SLC24A2: variants seen among roughly 807,000 people sequenced by gnomAD.
SLC24A2 encodes solute carrier family 24 member 2.
SLC24A2 carries 36 observed loss-of-function variants against 62.0 expected under a neutral mutation model. The observed-to-expected ratio is 0.58, with a 90% CI of 0.44 to 0.77. The LOEUF (loss-of-function observed/expected upper bound fraction) is 0.77, where lower values mean the gene tolerates loss of function less well. Among genes scored for constraint, SLC24A2 ranks in the 30% least tolerant of loss-of-function variants. The pLI is 0.00. For synonymous variants in SLC24A2, 358 were observed against 294.0 expected (o/e 1.22, Z -2.23); for missense variants, 846 against 817.9 (o/e 1.03, Z -0.42).
chr9:19,724,703 T>A (rs1000193192), intron 2 of SLC24A2, among the ~76,000 whole-genome samples: 2 of 152,158 alleles, frequency 1.3e-5, no homozygotes, highest in Non-Finnish European at 2.9e-5. Flanking sequence ...ACCCACATTA[T>A]GAAGTTCAGG....
At chr9:20,248,929 G>A in the SLC24A2 span, among the ~76,000 whole-genome samples, 6 of 152,188 alleles carry the variant, frequency 3.9e-5, no homozygotes, top group South Asian at 4.1e-4. Context: ...CCTGGTCCTG[G>A]TCTCCCTTTC....
chr9:19,534,073 A>C (rs939544830), intron 8 of SLC24A2, among the ~76,000 whole-genome samples: 6 of 152,212 alleles, frequency 3.9e-5, no homozygotes. Context: ...CAGGGAATCC[A>C]GAAACCTTCT....
At chr9:19,851,024 C>CATATATATATATAT in the SLC24A2 span, among the ~76,000 whole-genome samples, 1 of 45,916 alleles carries the variant, frequency 2.2e-5, no homozygotes, top group African/African-American at 1.1e-4. Flanking sequence ...TATATATATA[C>CATATATATATATAT]ATATTTTTTT....
chr9:20,142,266 A>T, the SLC24A2 span, among the ~76,000 whole-genome samples: 1 of 152,088 alleles, frequency 6.6e-6, no homozygotes, highest in Non-Finnish European at 1.5e-5. Context: ...ACACCCATGA[A>T]GTACTTACTT....
At chr9:20,182,580 A>G in the SLC24A2 span, among the ~76,000 whole-genome samples, 1 of 152,204 alleles carries the variant, frequency 6.6e-6, no homozygotes, top group African/African-American at 2.4e-5. Context: ...GTGGGAGTTG[A>G]ACAATGAGAA....
chr9:19,585,887 C>T (rs1836357073), intron 5 of SLC24A2, among the ~76,000 whole-genome samples: 1 of 152,168 alleles, frequency 6.6e-6, no homozygotes, highest in Admixed American at 6.5e-5. Flanking sequence ...TGTGGCCACC[C>T]ATAAAGGATG....
the SLC24A2 span, among the ~76,000 whole-genome samples, chr9:20,206,135 A>G: frequency 6.6e-6 from 1 of 152,244 alleles, no homozygotes; most frequent in Non-Finnish European, 1.5e-5. Context: ...TTGGTTTTAG[A>G]TTCCCCATTA....
intron 2 of SLC24A2, among the ~76,000 whole-genome samples, chr9:19,672,377 T>A (rs1346784656): frequency 2.0e-5 from 3 of 146,716 alleles, no homozygotes; most frequent in Non-Finnish European, 4.4e-5. Context: ...TTCTGTGGTA[T>A]CCGTTGTAAT....
chr9:19,609,794 T>G (rs936417544), intron 4 of SLC24A2, among the ~76,000 whole-genome samples: 21 of 151,766 alleles, frequency 1.4e-4, no homozygotes, highest in African/African-American at 4.8e-4. Flanking sequence ...GTGGGGTGAG[T>G]GGTGGGGATG....
the SLC24A2 span, among the ~76,000 whole-genome samples, chr9:20,157,560 T>C: frequency 1.3e-5 from 2 of 151,654 alleles, no homozygotes; most frequent in African/African-American, 2.4e-5. Flanking sequence ...ACTACACCTA[T>C]AGGAAAGGGA....
the SLC24A2 span, among the ~76,000 whole-genome samples, chr9:20,216,461 G>A: frequency 1.3e-5 from 2 of 152,118 alleles, no homozygotes; most frequent in African/African-American, 2.4e-5. Context: ...ACCCCATTAG[G>A]TAATAAAGCT....
At chr9:20,187,455 A>G in the SLC24A2 span, among the ~76,000 whole-genome samples, 1 of 152,084 alleles carries the variant, frequency 6.6e-6, no homozygotes, top group East Asian at 1.9e-4. Context: ...CAAAGTCCTG[A>G]ATGATCACGC....
At chr9:19,624,468 A>G (rs1817984795) in intron 2 of SLC24A2, among the ~76,000 whole-genome samples, 1 of 152,202 alleles carries the variant, frequency 6.6e-6, no homozygotes, top group South Asian at 2.1e-4. Flanking sequence ...TGGTCTGAAA[A>G]GAAGAAAAAA....
chr9:20,131,345 G>A, the SLC24A2 span, among the ~76,000 whole-genome samples: 1 of 152,124 alleles, frequency 6.6e-6, no homozygotes, highest in African/African-American at 2.4e-5. Flanking sequence ...CATGATGACT[G>A]GACAAGAGGC....
chr9:20,097,760 TGA>T, the SLC24A2 span, among the ~76,000 whole-genome samples: 2 of 86,056 alleles, frequency 2.3e-5, no homozygotes, highest in African/African-American at 4.3e-5. Flanking sequence ...TTTTTTTTTT[TGA>T]GACGGAGTCT....
the SLC24A2 span, among the ~76,000 whole-genome samples, chr9:19,808,030 C>T: frequency 6.6e-6 from 1 of 152,106 alleles, no homozygotes; most frequent in Non-Finnish European, 1.5e-5. The surrounding 1 kb of genome is among the most constrained non-coding windows in gnomAD (Gnocchi z 4.1). Flanking sequence ...TGGGGAAAGA[C>T]ATTTGTGGGG....
At chr9:20,248,599 C>T in the SLC24A2 span, among the ~76,000 whole-genome samples, 3 of 152,150 alleles carry the variant, frequency 2.0e-5, no homozygotes, top group Non-Finnish European at 2.9e-5. Flanking sequence ...ACCCTCATGA[C>T]CTGATTACCC....
At chr9:20,196,277 G>C in the SLC24A2 span, among the ~76,000 whole-genome samples, 1 of 152,158 alleles carries the variant, frequency 6.6e-6, no homozygotes, top group Non-Finnish European at 1.5e-5. Context: ...GAAATAAGTA[G>C]AAGGCTTTCA....
intron 4 of SLC24A2, among the ~76,000 whole-genome samples, chr9:19,605,854 A>C (rs1259936035): frequency 1.3e-5 from 2 of 152,246 alleles, no homozygotes; most frequent in African/African-American, 4.8e-5. Flanking sequence ...GTTACAGAGA[A>C]GTTAAGTAAC....
Sources: gnomAD v4.1 joint callset for allele counts (sites outside exome capture counted in the v4.1 genomes callset) on GRCh38, gnomAD v4.1.1 for gene constraint, Gnocchi (gnomAD v3.1) non-coding constraint, MANE v1.5 for transcripts, NCBI Gene and HGNC (gene_info 2026-07-23, HGNC 2026-07-21) for gene names.